ERBB4: variants seen among roughly 807,000 people sequenced by gnomAD.
ERBB4 encodes erb-b2 receptor tyrosine kinase 4, also known as receptor tyrosine-protein kinase erbB-4.
ERBB4 carries 42 observed loss-of-function variants against 158.0 expected under a neutral mutation model. The ratio of observed to expected loss-of-function variants is 0.27; its 90% CI spans 0.21 to 0.34. The LOEUF is 0.34. Ranked by LOEUF, ERBB4 falls within the 10% of genes least tolerant of loss-of-function variation. The pLI, the probability that ERBB4 is intolerant of heterozygous loss-of-function variation, is 1.00. For synonymous variants in ERBB4, 583 were observed against 558.7 expected (o/e 1.04, Z -0.61); for missense variants, 1,333 against 1,624.1 (o/e 0.82, Z 3.08).
At chr2:212,012,498 A>G (rs1575514607) in intron 2 of ERBB4, among the ~76,000 whole-genome samples, 1 of 150,206 alleles carries the variant, frequency 6.7e-6, no homozygotes, top group African/African-American at 2.5e-5. Flanking sequence ...CTCACCGCAA[A>G]CTCCACCTCC....
Position 211,640,288 on chromosome 2 carries a change from G to A in ERBB4, c.1947-9694C>T, listed in dbSNP as rs558057998. Among the ~76,000 whole-genome samples, 27 of 152,008 alleles carry A rather than the reference G, an allele frequency of 1.8e-4. No individual in the cohort carries two copies. In the East Asian group the frequency reaches 4.9e-3, roughly 27 times the overall value. ...TGCTGGTAGCCCTTTTTCCTGCTGC[G>A]GAGACCTACAAGTGTTCATCGGGGA... On this transcript the variant is annotated intron_variant, in intron 16 of 27. Transcript: ENST00000342788.
chr2:211,912,456 TTAAGCTA>T (rs2079563585), intron 3 of ERBB4, among the ~76,000 whole-genome samples: 1 of 152,202 alleles, frequency 6.6e-6, no homozygotes, highest in Non-Finnish European at 1.5e-5. Flanking sequence ...TACTGTATTC[TTAAGCTA>T]TAACATCACT....
intron 2 of ERBB4, among the ~76,000 whole-genome samples, chr2:212,057,336 C>T (rs971949517): frequency 2.0e-5 from 3 of 152,128 alleles, no homozygotes; most frequent in African/African-American, 7.2e-5. Context: ...TAATGGGAGA[C>T]TTTAACACCG....
At chr2:212,455,350 CCCT>C (rs1318973877) in intron 1 of ERBB4, among the ~76,000 whole-genome samples, 1 of 152,120 alleles carries the variant, frequency 6.6e-6, no homozygotes, top group African/African-American at 2.4e-5. Context: ...ATATGCATCA[CCCT>C]CCTAATCTTA....
In ERBB4 at chr2:212,247,912, C is replaced by T. The variant is rs535566460; in HGVS notation, c.83-123009G>A. Among the ~76,000 whole-genome samples the T allele has an allele frequency of 9.2e-5, 14 of 151,882 alleles. No individual in the cohort carries two copies. The South Asian group carries it at 1.5e-3, about 16-fold the overall frequency. On this transcript the variant is annotated intron_variant, in intron 1 of 27. Transcript: ENST00000342788. ...CTGGGAAGCAGAGGCCGCAGTGAGC[C>T]GAGATCACACCACTGCACACCAGCC...
In ERBB4 at chr2:211,620,242, C is replaced by T. The variant is rs1168128089; in HGVS notation, c.2203-967G>A. ...AAAACCGAAAAATCTCAAATTTTAG[C>T]TTCTTAGCCCTGACATCAGAAAATA... On this transcript the variant is annotated intron_variant, in intron 18 of 27. Coordinates refer to ENST00000342788, the MANE Select transcript of ERBB4 (RefSeq NM_005235.3). Among the ~76,000 whole-genome samples the T allele has an allele frequency of 2.0e-5, 3 of 152,208 alleles. No homozygotes were observed. The East Asian group carries it at 5.8e-4, about 29-fold the overall frequency.
chr2:211,550,594 T>TATATATATATATATATATATAA (rs1256961213), intron 20 of ERBB4, among the ~76,000 whole-genome samples: 1 of 145,270 alleles, frequency 6.9e-6, no homozygotes, highest in African/African-American at 2.5e-5. Flanking sequence ...TATATATATA[T>TATATATATATATATATATATAA]AAATATATAG....
At chr2:212,000,291 T>TAA (rs1352456662) in intron 2 of ERBB4, among the ~76,000 whole-genome samples, 6 of 151,892 alleles carry the variant, frequency 4.0e-5, no homozygotes, top group African/African-American at 1.4e-4. Flanking sequence ...GCCAGATACA[T>TAA]AACATTGACT....
At chr2:211,728,425 TTCTA>T in intron 5 of ERBB4, among the ~76,000 whole-genome samples, 1 of 151,934 alleles carries the variant, frequency 6.6e-6, no homozygotes, top group South Asian at 2.1e-4. Flanking sequence ...ATATTGATAT[TTCTA>T]TCTTTTAACC....
At chr2:212,400,743 G>A (rs1205671387) in intron 1 of ERBB4, among the ~76,000 whole-genome samples, 1 of 152,096 alleles carries the variant, frequency 6.6e-6, no homozygotes, top group Non-Finnish European at 1.5e-5. Flanking sequence ...GATTATCTGT[G>A]TAAGAACAAG....
chr2:211,942,587 C>G (rs1247829455), intron 3 of ERBB4, among the ~76,000 whole-genome samples: 1 of 151,998 alleles, frequency 6.6e-6, no homozygotes, highest in African/African-American at 2.4e-5. Context: ...TTGAGGGCTT[C>G]TAGGTATAAC....
Position 211,657,822 on chromosome 2 carries a change from G to A in ERBB4, c.1878C>T (p.Asn626=), listed in dbSNP as rs750284038. The A allele has an allele frequency of 2.7e-5, 44 of 1,613,718 alleles. No homozygotes were observed. Among genetic ancestry groups the A allele is most frequent in the African/African-American group, 4.0e-5 (3 of 75,010 alleles). The change falls in exon 16 of 28, where the codon AAC becomes AAT. Residue 626 remains asparagine (N), a synonymous_variant. Coordinates refer to ENST00000342788, the MANE Select transcript of ERBB4 (RefSeq NM_005235.3). ...AAATGCAGTCATGACTAGTGGGACC[G>A]TTACACCTGCAGGCAATTACAGAAC... The part of the protein sequence containing the change: ...PCHPNCTQGC[N]GPTSHDCIYY...
chr2:211,735,024 T>C (rs1029544050), intron 5 of ERBB4, among the ~76,000 whole-genome samples: 2 of 151,004 alleles, frequency 1.3e-5, no homozygotes, highest in Non-Finnish European at 2.9e-5. Flanking sequence ...ATGGCATACA[T>C]ATTTTTGTAA....
intron 16 of ERBB4, among the ~76,000 whole-genome samples, chr2:211,634,918 C>T (rs566276648): frequency 7.2e-5 from 11 of 152,126 alleles, no homozygotes; most frequent in South Asian, 2.1e-4. Context: ...GTGATCTGCC[C>T]GCCTTGGCCT....
intron 2 of ERBB4, among the ~76,000 whole-genome samples, chr2:212,098,112 T>C (rs761713630): frequency 3.3e-5 from 5 of 152,176 alleles, no homozygotes; most frequent in Non-Finnish European, 7.3e-5. Flanking sequence ...GTGCTGATAC[T>C]GATACCATGA....
rs1046015437 is a variant in ERBB4, at chr2:211,841,756, A to C, written c.422-53597T>G. ...TCCCTGGAATTCTCAAATGTCTACA[A>C]TACATTCACATATGATTTTAAAGCA... is the stretch of plus-strand genomic sequence containing the variant. On this transcript the variant is annotated intron_variant, in intron 3 of 27. Coordinates refer to ENST00000342788, the MANE Select transcript of ERBB4 (RefSeq NM_005235.3). 3.3e-5 allele frequency among the ~76,000 whole-genome samples: 5 copies of C among 152,048 alleles called. No homozygotes were observed. In the South Asian group the frequency reaches 1.0e-3, roughly 31 times the overall value.
chr2:211,709,304 TGAGAGA>T (rs368439466), intron 9 of ERBB4, among the ~76,000 whole-genome samples: 6 of 140,376 alleles, frequency 4.3e-5, no homozygotes, highest in South Asian at 2.2e-4. Flanking sequence ...TATATATATA[TGAGAGA>T]GAGAGAGAGA....
rs1007399368 is a variant in ERBB4, at chr2:212,086,132, G to T, written c.234+38620C>A. 5.9e-5 allele frequency among the ~76,000 whole-genome samples: 9 copies of T among 151,840 alleles called. 1 individual carries two copies. In the South Asian group the frequency reaches 1.9e-3, roughly 31 times the overall value. On this transcript the variant is annotated intron_variant, in intron 2 of 27. Transcript: ENST00000342788. ...GAAATGAATTATGGGGCAGAAACTG[G>T]GGGGAAAAGTTAGTTTTACTTTGGG...
At chr2:212,200,185 T>C (rs2082550826) in intron 1 of ERBB4, among the ~76,000 whole-genome samples, 1 of 152,126 alleles carries the variant, frequency 6.6e-6, no homozygotes, top group Non-Finnish European at 1.5e-5. Context: ...GAAGGATCTA[T>C]TTAATATCAT....
Sources: allele counts gnomAD v4.1 joint callset (sites outside exome capture counted in the v4.1 genomes callset), GRCh38; gene constraint gnomAD v4.1.1; transcripts MANE v1.5; gene names NCBI Gene and HGNC (gene_info 2026-07-23, HGNC 2026-07-21).